LRFN5: variants seen among roughly 807,000 people sequenced by gnomAD.
The protein encoded by LRFN5 is leucine-rich repeat and fibronectin type-III domain-containing protein 5.
LRFN5 carries 24 observed loss-of-function variants against 45.6 expected under a neutral mutation model. The observed-to-expected ratio is 0.53, with a 90% CI of 0.38 to 0.74. The LOEUF is 0.74. Among genes scored for constraint, LRFN5 ranks in the 30% least tolerant of loss-of-function variants. The pLI is 0.00. For missense variants in LRFN5, 776 were observed against 861.5 expected (o/e 0.90, Z 1.24); for synonymous variants, 340 against 313.8 (o/e 1.08, Z -0.88).
At chr14:41,790,372 C>T (rs1411949416) in intron 2 of LRFN5, among the ~76,000 whole-genome samples, 3 of 151,184 alleles carry the variant, frequency 2.0e-5, no homozygotes, top group African/African-American at 7.3e-5. Flanking sequence ...TTCATTTTGT[C>T]CTTTAAAGGT....
At chr14:41,781,342 T>C (rs1886474760) in intron 2 of LRFN5, among the ~76,000 whole-genome samples, 1 of 151,778 alleles carries the variant, frequency 6.6e-6, no homozygotes. Context: ...GGCAATGTAG[T>C]GAAACCTCTT....
chr14:41,821,127 C>T (rs1255782547), intron 2 of LRFN5, among the ~76,000 whole-genome samples: 1 of 151,756 alleles, frequency 6.6e-6, no homozygotes, highest in Admixed American at 6.6e-5. Context: ...ATTGTTCTTG[C>T]TAGGTTTTCC....
chr14:41,743,088 T>C (rs1301192082), intron 1 of LRFN5: 1 of 155,472 alleles, frequency 6.4e-6, no homozygotes, highest in Non-Finnish European at 1.4e-5. Flanking sequence ...CACTGTCTCA[T>C]GGCATGATCC....
At chr14:41,699,387 G>C (rs1882746915) in intron 1 of LRFN5, 1 of 152,026 alleles carries the variant, frequency 6.6e-6, no homozygotes, top group Non-Finnish European at 1.5e-5. Flanking sequence ...GCCTTTTCAG[G>C]ATAAGACACA....
chr14:41,835,608 A>G (rs554950793), intron 2 of LRFN5, among the ~76,000 whole-genome samples: 1 of 152,222 alleles, frequency 6.6e-6, no homozygotes, highest in Admixed American at 6.5e-5. Flanking sequence ...CACCCACAGT[A>G]CCAGCTACCT....
intron 2 of LRFN5, among the ~76,000 whole-genome samples, chr14:41,798,615 C>T (rs117447144): frequency 0.011 from 1,712 of 152,002 alleles, 11 homozygotes; most frequent in Admixed American, 0.019. Flanking sequence ...TTCAGCAAGC[C>T]CTTCTAGTCA....
intron 1 of LRFN5, among the ~76,000 whole-genome samples, chr14:41,646,819 G>T (rs1428121128): frequency 6.6e-6 from 1 of 152,142 alleles, no homozygotes; most frequent in East Asian, 1.9e-4. Context: ...AATTTCCAGA[G>T]CCACCTTTCA....
intron 2 of LRFN5, among the ~76,000 whole-genome samples, chr14:41,777,458 T>C (rs1170198142): frequency 6.6e-6 from 1 of 151,840 alleles, no homozygotes; most frequent in Non-Finnish European, 1.5e-5. Flanking sequence ...CATTTTTACA[T>C]TGATTTGTCT....
chr14:41,714,508 G>A (rs1023992711), intron 1 of LRFN5, among the ~76,000 whole-genome samples: 4 of 152,082 alleles, frequency 2.6e-5, no homozygotes, highest in African/African-American at 9.7e-5. Context: ...GTAGTGAACT[G>A]GTAAGGTTTT....
At chr14:41,683,284 T>C (rs1881984040) in intron 1 of LRFN5, among the ~76,000 whole-genome samples, 1 of 152,090 alleles carries the variant, frequency 6.6e-6, no homozygotes, top group African/African-American at 2.4e-5. Context: ...CATGATAAAA[T>C]ATCTCAAACA....
At chr14:41,881,370 T>A (rs1325474291) in intron 2 of LRFN5, among the ~76,000 whole-genome samples, 1 of 151,902 alleles carries the variant, frequency 6.6e-6, no homozygotes, top group East Asian at 1.9e-4. Context: ...TTTCATTTTC[T>A]TTTGACCTTA....
intron 1 of LRFN5, among the ~76,000 whole-genome samples, chr14:41,646,787 T>A (rs1233384363): frequency 6.6e-6 from 1 of 152,208 alleles, no homozygotes; most frequent in Non-Finnish European, 1.5e-5. Context: ...GCTCTGTTGA[T>A]ATTGGCCATG....
rs906771766 is a variant in LRFN5, at chr14:41,880,128, C to T, written c.-20-6478C>T. 4.6e-5 allele frequency among the ~76,000 whole-genome samples: 7 copies of T among 151,704 alleles called. No homozygotes were observed. In the East Asian group the frequency reaches 5.8e-4, roughly 13 times the overall value. On this transcript the variant is annotated intron_variant, in intron 2 of 5. Transcript: ENST00000298119. ...ATTTTTAGTAGAGATGGGGTTTCAC[C>T]GTATTAGCCAGGATGGTCTCGATCT...
intron 1 of LRFN5, among the ~76,000 whole-genome samples, chr14:41,631,169 T>G (rs1378895642): frequency 2.0e-5 from 3 of 152,186 alleles, no homozygotes; most frequent in African/African-American, 7.2e-5. Context: ...ATAATCCAGC[T>G]CTAATCTCAA....
At chr14:41,721,990 T>A (rs1883734721) in intron 1 of LRFN5, among the ~76,000 whole-genome samples, 1 of 152,120 alleles carries the variant, frequency 6.6e-6, no homozygotes, top group Non-Finnish European at 1.5e-5. Flanking sequence ...TTTTGTTGAT[T>A]CCAAAAATGC....
intron 1 of LRFN5, among the ~76,000 whole-genome samples, chr14:41,764,371 A>G (rs982977912): frequency 2.0e-5 from 3 of 152,180 alleles, no homozygotes; most frequent in Non-Finnish European, 4.4e-5. Context: ...TTTTTAAGTT[A>G]ACACATGTTT....
intron 2 of LRFN5, among the ~76,000 whole-genome samples, chr14:41,785,817 C>A (rs897501776): frequency 2.0e-5 from 3 of 152,148 alleles, no homozygotes; most frequent in African/African-American, 7.2e-5. Flanking sequence ...CAGCCTACAT[C>A]CCTCATATAC....
rs539642876 is a variant in LRFN5 at position 41,610,951 on chromosome 14, T to C, written c.-197+2389T>C. 2.0e-3 allele frequency among the ~76,000 whole-genome samples: 309 copies of C among 152,268 alleles called. 2 individuals carry two copies. The highest frequency in any genetic ancestry group is 7.3e-3 in the African/African-American group (304 of 41,554). ...CATACTTACAATATTTGTTAGCAAG[T>C]AACTCATACCTATCTAGAGAGTGCA... is the stretch of plus-strand genomic sequence containing the variant. On this transcript the variant is annotated intron_variant, in intron 1 of 5. Transcript: ENST00000298119.
In LRFN5 at chr14:41,775,072, T is replaced by C. The variant is rs142728716; in HGVS notation, c.-21+8043T>C. Among the ~76,000 whole-genome samples, 253 of 147,778 alleles carry C rather than the reference T, an allele frequency of 1.7e-3. 1 individual carries two copies. Among genetic ancestry groups the C allele is most frequent in the East Asian group, 2.5e-3 (12 of 4,730 alleles). ...AGATTTGACAATTGAGGTGAAAGAT[T>C]TGATGCTACTTTTTCTTTTTCTTTT... On this transcript the variant is annotated intron_variant, in intron 2 of 5. Coordinates refer to ENST00000298119, the MANE Select transcript of LRFN5 (RefSeq NM_152447.5).
Sources: allele counts gnomAD v4.1 joint callset (sites outside exome capture counted in the v4.1 genomes callset), GRCh38; gene constraint gnomAD v4.1.1; transcripts MANE v1.5; gene names NCBI Gene and HGNC (gene_info 2026-07-23, HGNC 2026-07-21).